Variants in AP3B2 observed in about 807,000 individuals in gnomAD.
AP3B2 encodes adaptor related protein complex 3 subunit beta 2, also known as AP-3 complex subunit beta-2.
Under a neutral mutation model 126.9 loss-of-function variants are expected in AP3B2, and 50 were observed. The observed-to-expected ratio is 0.39, with a 90% CI of 0.31 to 0.50. The LOEUF is 0.50. Among genes scored for constraint, AP3B2 ranks in the 20% least tolerant of loss-of-function variants. The pLI is 0.79. For missense variants in AP3B2, 1,177 were observed against 1,426.4 expected (o/e 0.83, Z 2.82); for synonymous variants, 541 against 565.0 (o/e 0.96, Z 0.60).
intron 23 of AP3B2, 133 bp downstream of exon 23, chr15:82,662,561 G>T: frequency 1.2e-6 from 1 of 847,308 alleles, no homozygotes; most frequent in Non-Finnish European, 1.8e-6. Flanking sequence ...CCAGAGTGTT[G>T]ATCATGTTAG....
At position 82,692,237 on chromosome 15, in the gene AP3B2, G is replaced by C. The variant is rs752797857; in HGVS notation, c.114-2784C>G. The stretch of plus-strand genomic sequence containing the variant: ...GCACCAAGGCGAAGGGCACAAGGCA[G>C]TGCCCATTCTTAAGCTTGATCTTGC... On this transcript the variant is annotated intron_variant, in intron 1 of 26. Transcript: ENST00000535359. The C allele has an allele frequency of 1.1e-4, 113 of 1,029,330 alleles. No individual in the cohort carries two copies. In the Middle Eastern group the frequency reaches 1.5e-3, roughly 13 times the overall value. 63.8% of individuals were successfully genotyped at this position (1,029,330 alleles called of 1,614,324 possible). A position where few individuals can be genotyped will look rare whatever the true frequency, so the allele number is the denominator to read the frequency against.
intron 12 of AP3B2, 26 bp from the exon 13 acceptor site, chr15:82,677,409 A>G: frequency 6.3e-7 from 1 of 1,595,092 alleles, no homozygotes; most frequent in Non-Finnish European, 8.6e-7. Context: ...GAGTGTGTGG[A>G]CCCCAAGACA....
Position 82,664,896 on chromosome 15 carries a change from C to T in AP3B2, c.2076G>A (p.Lys692=). The T allele has an allele frequency of 6.2e-7, 1 of 1,608,398 alleles. No individual in the cohort carries two copies. Among genetic ancestry groups the T allele is most frequent in the South Asian group, 1.1e-5 (1 of 89,320 alleles). ...CAGAGTCCGAGTAGAAGGGTTTTTCCTTCTCCTTTCTCTTCTCCCGATTTG... is the reference window on the plus strand; with the variant it reads ...CAGAGTCCGAGTAGAAGGGTTTTTCTTTCTCCTTTCTCTTCTCCCGATTTG... ...KCSNREKRKE[K]EKPFYSDSEG... The change falls in exon 18 of 27, where the codon AAG becomes AAA. Residue 692 remains lysine (K), a synonymous_variant. Transcript: ENST00000535359. This position sits in a 1 kb window ranked among gnomAD's most constrained non-coding sequence, Gnocchi z 4.5.
Position 82,663,135 on chromosome 15 carries a change from C to G in AP3B2, c.2596G>C (p.Val866Leu). 6.2e-7 allele frequency: 1 copy of G among 1,610,536 alleles called. No homozygotes were observed. Among genetic ancestry groups the G allele is most frequent in the Non-Finnish European group, 8.5e-7 (1 of 1,178,934 alleles). Residue 866 changes from valine (V) to leucine (L), a missense_variant, in exon 22 of 27, where the codon GTA becomes CTA. By Grantham distance (32) the Val-to-Leu change is conservative. Transcript: ENST00000535359. ...TCCTCCATCCCACTCACCGACGGTACCAGGGTGGAGTCTGTGAGTGTCAGG... is the reference window on the plus strand; with the variant it reads ...TCCTCCATCCCACTCACCGACGGTAGCAGGGTGGAGTCTGTGAGTGTCAGG... ...EGLTLTDSTLVPSLLSPVSGV... is the reference protein window; with the variant it reads ...EGLTLTDSTLLPSLLSPVSGV...
chr15:82,660,005 A>AGGGCAGAGGCCATGGTGG, intron 25 of AP3B2, 22 bp from the exon 26 acceptor site: 1 of 1,612,612 alleles, frequency 6.2e-7, no homozygotes, highest in Non-Finnish European at 8.5e-7. Flanking sequence ...GGTCGTGATG[A>AGGGCAGAGGCCATGGTGG]GGGCAGAGGC....
Position 82,664,848 on chromosome 15 carries a change from C to T in AP3B2, c.2124G>A (p.Glu708=). 1 of 1,594,266 alleles carries T rather than the reference C, an allele frequency of 6.3e-7. No homozygotes were observed. The highest frequency in any genetic ancestry group is 2.3e-5 in the East Asian group (1 of 44,232). The stretch of plus-strand genomic sequence containing the variant: ...CCATCTGCTCACCACTGTCTGCGGA[C>T]TCCGTGGGGCCTGACTCCCCCTCAG... ...SDSEGESGPT[E]SADSDPESES... is the part of the protein sequence containing the mutation. The change falls in exon 18 of 27, where the codon GAG becomes GAA. Residue 708 remains glutamate (E), a synonymous_variant. Transcript: ENST00000535359. The surrounding 1 kb of genome is among the most constrained non-coding windows in gnomAD (Gnocchi z 4.5).
chr15:82,686,243 A>ATTAT (rs1251753830), intron 4 of AP3B2: 8 of 152,224 alleles, frequency 5.3e-5, no homozygotes, highest in Non-Finnish European at 2.9e-5. Context: ...GGAGACCTGG[A>ATTAT]TTATCTGCTT....
chr15:82,662,904 C>G lies in AP3B2; in HGVS notation c.2623G>C (p.Gly875Arg), dbSNP rs1310064604. 1.6e-5 allele frequency: 26 copies of G among 1,612,928 alleles called. No homozygotes were observed. The highest frequency in any genetic ancestry group is 1.9e-5 in the Non-Finnish European group (23 of 1,179,714). ...TGCAGCAGCTCCTGCCGCCCAACAC[C>G]CGATACTGGACTCAGAAGCTAGAGT... ...LVPSLLSPVS[G>R]VGRQELLHRV... is the part of the protein sequence containing the mutation. The change falls in exon 23 of 27, where the codon GGT becomes CGT. Residue 875 changes from glycine (G) to arginine (R), a missense_variant. Gly to Arg is a moderately radical substitution (Grantham distance 125, BLOSUM62 -2). Coordinates refer to ENST00000535359, the MANE Select transcript of AP3B2 (RefSeq NM_001278512.2).
At chr15:82,666,254 A>C (rs1008068919) in intron 15 of AP3B2, among the ~76,000 whole-genome samples, 1 of 152,208 alleles carries the variant, frequency 6.6e-6, no homozygotes, top group African/African-American at 2.4e-5. Flanking sequence ...AAGAGGCCTT[A>C]AGGGCCAAGC....
chr15:82,697,501 T>C (rs1229258603), intron 1 of AP3B2, among the ~76,000 whole-genome samples: 3 of 152,084 alleles, frequency 2.0e-5, no homozygotes, highest in African/African-American at 4.8e-5. Context: ...GAGAAACAAG[T>C]GATGAATGCT....
chr15:82,696,194 C>A, intron 1 of AP3B2, among the ~76,000 whole-genome samples: 1 of 152,150 alleles, frequency 6.6e-6, no homozygotes, highest in Non-Finnish European at 1.5e-5. Flanking sequence ...GGGGCTAGAA[C>A]TTCAACATAT....
rs896395570 is a variant in AP3B2 at position 82,676,576 on chromosome 15, C to T, written c.1550G>A (p.Arg517Lys). Residue 517 changes from arginine to lysine, a missense_variant, in exon 14 of 27, where the codon AGG (arginine) becomes AAG (lysine). Around this residue, in one of 5 missense-constraint regions of AP3B2, gnomAD observed 308 missense variants for 452.4 expected, o/e 0.68. Coordinates refer to ENST00000535359, the MANE Select transcript of AP3B2 (RefSeq NM_001278512.2). The stretch of plus-strand genomic sequence containing the variant: ...TTTTCTTAAGACATCAGGTGCAATC[C>T]TGGGGACATGCTCACAGTACTCTCC... ...LIGEYCEHVP[R>K]IAPDVLRKMA... 6.2e-7 allele frequency: 1 copy of T among 1,613,886 alleles called. No homozygotes were observed. Among genetic ancestry groups the T allele is most frequent in the African/African-American group, 1.3e-5 (1 of 74,920 alleles).
intron 4 of AP3B2, chr15:82,685,543 G>GA (rs1485357629): frequency 6.6e-6 from 1 of 152,220 alleles, no homozygotes; most frequent in African/African-American, 2.4e-5. Context: ...AGATGGGTTA[G>GA]AAACATTTAT....
chr15:82,665,057 C>A lies in AP3B2; in HGVS notation c.2029-114G>T. 1.9e-6 allele frequency: 2 copies of A among 1,053,638 alleles called. No individual in the cohort carries two copies. The highest frequency in any genetic ancestry group is 1.4e-6 in the Non-Finnish European group (1 of 708,362). The allele number at this position is 1,053,638 out of a possible 1,614,324, so 65.3% of individuals were successfully genotyped here. ...TTGTGAGGCCCTACCTGGTCTGTCC[C>A]ACAAAGGGAATAACAGAGGAGGAAG... is the stretch of plus-strand genomic sequence containing the variant. On this transcript the variant is annotated intron_variant, in intron 17 of 26. Coordinates refer to ENST00000535359, the MANE Select transcript of AP3B2 (RefSeq NM_001278512.2). This position sits in a 1 kb window ranked among gnomAD's most constrained non-coding sequence, Gnocchi z 4.4.
Position 82,709,860 on chromosome 15 carries a change from T to C in AP3B2, c.-154A>G. ...GGCTGCAGTGTGCAGCGGCGGAGGC[T>C]GCGCGCGGATTTCTCAATCAGGGCC... On this transcript the variant is annotated 5_prime_UTR_variant, in exon 1 of 27. Transcript: ENST00000535359. The C allele has an allele frequency of 1.9e-6, 1 of 518,610 alleles. No individual in the cohort carries two copies. Among genetic ancestry groups the C allele is most frequent in the Non-Finnish European group, 3.1e-6 (1 of 318,698 alleles). The allele number at this position is 518,610 out of a possible 1,614,324, so 32.1% of individuals were successfully genotyped here.
At chr15:82,662,014 G>T in intron 24 of AP3B2, 92 bp from the exon 25 acceptor site, 1 of 1,368,376 alleles carries the variant, frequency 7.3e-7, no homozygotes, top group Non-Finnish European at 1.0e-6. Flanking sequence ...TGGAGGCAGT[G>T]AAAGAGTGAG....
chr15:82,704,957 T>C lies in AP3B2; in HGVS notation c.113+4637A>G, dbSNP rs372496498. 4.6e-5 allele frequency among the ~76,000 whole-genome samples: 7 copies of C among 152,272 alleles called. No individual in the cohort carries two copies. The East Asian group carries it at 1.3e-3, about 29-fold the overall frequency. On this transcript the variant is annotated intron_variant, in intron 1 of 26. Coordinates refer to ENST00000535359, the MANE Select transcript of AP3B2 (RefSeq NM_001278512.2). Reference sequence around the variant, plus strand: ...CCAACTCTGAGGCCAACTTGGACAATACTCTTTTATGCACTCCTTTTCAGT... The same window carrying C: ...CCAACTCTGAGGCCAACTTGGACAACACTCTTTTATGCACTCCTTTTCAGT...
At position 82,680,134 on chromosome 15, in the gene AP3B2, G is replaced by A. The variant is rs1325527267; in HGVS notation, c.1110+41C>T. The A allele has an allele frequency of 6.2e-7, 1 of 1,611,184 alleles. No individual in the cohort carries two copies. The highest frequency in any genetic ancestry group is 1.7e-5 in the Admixed American group (1 of 59,928). ...CAACGCCTCCAGTGCCCGCAGAAGC[G>A]GCCCTCGGACAGCGAGGACAGCCCG... On this transcript the variant is annotated intron_variant, in intron 9 of 26. Transcript: ENST00000535359. This position sits in a 1 kb window ranked among gnomAD's most constrained non-coding sequence, Gnocchi z 6.1.
chr15:82,665,652 G>T lies in AP3B2; in HGVS notation c.1853-77C>A. ...GGGAGCTGTTTTCCAGGTGGGGCTG[G>T]GTGGTGATTCTGGTTGGGACTTCCC... On this transcript the variant is annotated intron_variant, in intron 15 of 26. Transcript: ENST00000535359. This position sits in a 1 kb window ranked among gnomAD's most constrained non-coding sequence, Gnocchi z 4.4. The T allele has an allele frequency of 1.6e-6, 2 of 1,247,262 alleles. No homozygotes were observed. Among genetic ancestry groups the T allele is most frequent in the South Asian group, 1.3e-5 (1 of 77,986 alleles). The allele number at this position is 1,247,262 out of a possible 1,614,324, so 77.3% of individuals were successfully genotyped here.
Sources: allele counts gnomAD v4.1 joint callset (sites outside exome capture counted in the v4.1 genomes callset), GRCh38; gene constraint gnomAD v4.1.1; regional missense constraint gnomAD v4.1.1; non-coding constraint Gnocchi (gnomAD v3.1); transcripts MANE v1.5; gene names NCBI Gene and HGNC (gene_info 2026-07-23, HGNC 2026-07-21).